Variants in RASGEF1C observed in about 807,000 individuals in gnomAD.
RASGEF1C encodes the protein RasGEF domain family member 1C.
A neutral mutation model predicts 58.1 loss-of-function variants in RASGEF1C; 27 were observed. The ratio of observed to expected loss-of-function variants is 0.46; its 90% CI spans 0.34 to 0.64. RASGEF1C has a LOEUF of 0.64. Ranked by LOEUF, RASGEF1C falls within the 30% of genes least tolerant of loss-of-function variation. The pLI, the probability that RASGEF1C is intolerant of heterozygous loss-of-function variation, is 0.01. For synonymous variants in RASGEF1C, 243 were observed against 246.3 expected, an observed-to-expected ratio of 0.99 and a Z score of 0.13; for missense variants, 502 against 605.1, an observed-to-expected ratio of 0.83 and a Z score of 1.79.
chr5:180,184,656 G>A (rs1581125391), intron 1 of RASGEF1C, among the ~76,000 whole-genome samples: 1 of 152,154 alleles, frequency 6.6e-6, no homozygotes, highest in South Asian at 2.1e-4. Context: ...CCACATAAAT[G>A]CTGTCTACAA....
intron 1 of RASGEF1C, among the ~76,000 whole-genome samples, chr5:180,184,031 G>T (rs1173372280): frequency 1.3e-5 from 2 of 151,702 alleles, no homozygotes; most frequent in Admixed American, 1.3e-4. Flanking sequence ...AATTAGCCGG[G>T]TGTGGTGACG....
In RASGEF1C at chr5:180,134,263, C is replaced by T. The variant is rs147138997; in HGVS notation, c.438+2115G>A. ...AGAGACATGGGGAAGCACTACTGGC[C>T]GGGGCCTAGGTTGGGACTGGGGAAC... On this transcript the variant is annotated intron_variant, in intron 4 of 13. Transcript: ENST00000361132. Among the ~76,000 whole-genome samples, 32 of 152,094 alleles carry T rather than the reference C, an allele frequency of 2.1e-4. 1 individual carries two copies. Among genetic ancestry groups the T allele is most frequent in the African/African-American group, 9.6e-5 (4 of 41,458 alleles).
chr5:180,172,117 C>G (rs1045970639), intron 1 of RASGEF1C, among the ~76,000 whole-genome samples: 2 of 152,238 alleles, frequency 1.3e-5, no homozygotes, highest in Non-Finnish European at 2.9e-5. Flanking sequence ...GTGTTCTGCC[C>G]TGCCCATCTA....
intron 1 of RASGEF1C, among the ~76,000 whole-genome samples, 156 bp downstream of exon 1, chr5:180,208,872 G>C (rs923665803): frequency 4.7e-5 from 7 of 149,818 alleles, no homozygotes; most frequent in Non-Finnish European, 8.9e-5. Context: ...CGGCCGCGCG[G>C]ACCCCGCCCC....
At chr5:180,178,589 CT>C (rs1160818212) in intron 1 of RASGEF1C, among the ~76,000 whole-genome samples, 1 of 151,968 alleles carries the variant, frequency 6.6e-6, no homozygotes, top group Non-Finnish European at 1.5e-5. Context: ...TATCCCAGGG[CT>C]TTTTATTTAC....
chr5:180,181,905 T>G (rs1288853483), intron 1 of RASGEF1C, among the ~76,000 whole-genome samples: 1 of 152,058 alleles, frequency 6.6e-6, no homozygotes, highest in Non-Finnish European at 1.5e-5. Flanking sequence ...CTCGCTGACT[T>G]CAAGAATGAA....
At chr5:180,126,386 GAC>G (rs1162971645) in intron 6 of RASGEF1C, among the ~76,000 whole-genome samples, 2 of 152,052 alleles carry the variant, frequency 1.3e-5, no homozygotes, top group Non-Finnish European at 2.9e-5. Context: ...CAGCCTGGGC[GAC>G]AGAGTGAGAT....
At chr5:180,206,147 C>T (rs1015309768) in intron 1 of RASGEF1C, among the ~76,000 whole-genome samples, 3 of 152,100 alleles carry the variant, frequency 2.0e-5, no homozygotes, top group African/African-American at 4.8e-5. Context: ...AGGCCCAGGG[C>T]TTGGATTTTT....
Position 180,197,428 on chromosome 5 carries a change from T to C in RASGEF1C, c.-7+11600A>G, listed in dbSNP as rs934377234. Among the ~76,000 whole-genome samples, 30 of 152,174 alleles carry C rather than the reference T, an allele frequency of 2.0e-4. No individual in the cohort carries two copies. The highest frequency in any genetic ancestry group is 7.0e-4 in the African/African-American group (29 of 41,430). The stretch of plus-strand genomic sequence containing the variant: ...CTCCTGGCTGAGCCTAGCTCAGGCC[T>C]GAAACCCACGGCTGCTCAGCATGTG... On this transcript the variant is annotated intron_variant, in intron 1 of 13. Transcript: ENST00000361132. This position sits in a 1 kb window ranked among gnomAD's most constrained non-coding sequence, Gnocchi z 4.7.
Position 180,101,300 on chromosome 5 carries a change from C to T in RASGEF1C, c.*201G>A. 3 of 615,006 alleles carry T rather than the reference C, an allele frequency of 4.9e-6. No homozygotes were observed. The highest frequency in any genetic ancestry group is 8.5e-6 in the Non-Finnish European group (3 of 352,984). 38.1% of individuals were successfully genotyped at this position (615,006 alleles called of 1,614,324 possible). On this transcript the variant is annotated 3_prime_UTR_variant, in exon 14 of 14. Transcript: ENST00000361132. ...CCCGCACGTCTGGAGGCCCTGGGTC[C>T]TGCCAGGGCCAAAGTCCCATAAAAG...
chr5:180,132,435 C>T (rs1330732952), intron 4 of RASGEF1C, among the ~76,000 whole-genome samples: 1 of 152,238 alleles, frequency 6.6e-6, no homozygotes. Flanking sequence ...TAGATGAGCA[C>T]TGGCCTTTGT....
intron 12 of RASGEF1C, 74 bp from the exon 13 acceptor site, chr5:180,102,217 C>T (rs1028875724): frequency 1.7e-5 from 15 of 871,240 alleles, no homozygotes; most frequent in African/African-American, 6.6e-5. Flanking sequence ...GCTATATCTG[C>T]GTGGGTCTCT....
At chr5:180,172,693 G>A (rs758751468) in intron 1 of RASGEF1C, among the ~76,000 whole-genome samples, 5 of 151,944 alleles carry the variant, frequency 3.3e-5, no homozygotes, top group Non-Finnish European at 7.4e-5. Context: ...CTTCTCTCAC[G>A]CCCAGCTCCC....
At chr5:180,202,741 C>CG (rs1350878508) in intron 1 of RASGEF1C, among the ~76,000 whole-genome samples, 2 of 149,172 alleles carry the variant, frequency 1.3e-5, no homozygotes, top group African/African-American at 2.5e-5. Context: ...GTCTCGCTGT[C>CG]GCCCAGGCTG....
chr5:180,175,905 G>A (rs987269391), intron 1 of RASGEF1C, among the ~76,000 whole-genome samples: 3 of 152,314 alleles, frequency 2.0e-5, no homozygotes, highest in Admixed American at 6.5e-5. Flanking sequence ...GGAGAATGGC[G>A]TGAACCCGGA....
rs571588574 is a variant in RASGEF1C, at chr5:180,177,322, C to T, written c.-7+31706G>A. On this transcript the variant is annotated intron_variant, in intron 1 of 13. Transcript: ENST00000361132. This position sits in a 1 kb window ranked among gnomAD's most constrained non-coding sequence, Gnocchi z 5.0. ...GAAGGGGCTGGCCTGCCCGGCTCAC[C>T]CAGCAGCTTCCCCAAAGACACAGGC... 3.9e-5 allele frequency among the ~76,000 whole-genome samples: 6 copies of T among 152,370 alleles called. No individual in the cohort carries two copies. The highest frequency in any genetic ancestry group is 1.5e-5 in the Non-Finnish European group (1 of 68,042).
At chr5:180,113,607 ATCGGGGATGGACGGAGGGAT>A in intron 11 of RASGEF1C, among the ~76,000 whole-genome samples, 1 of 84,436 alleles carries the variant, frequency 1.2e-5, no homozygotes. Context: ...GGACGGAGGG[ATCGGGGATGGACGGAGGGAT>A]CCGGGGATGG....
At chr5:180,173,889 G>A (rs1767164169) in intron 1 of RASGEF1C, among the ~76,000 whole-genome samples, 1 of 142,542 alleles carries the variant, frequency 7.0e-6, no homozygotes, top group Admixed American at 7.2e-5. Flanking sequence ...CTCCAGCCTG[G>A]GCAACAGAGC....
At position 180,137,890 on chromosome 5, in the gene RASGEF1C, C is replaced by T. The variant is rs748807530; in HGVS notation, c.163G>A (p.Asp55Asn). Residue 55 changes from aspartate (D) to asparagine (N), a missense_variant, in exon 2 of 14, where the codon GAC (aspartate) becomes AAC (asparagine). By Grantham distance (23) the Asp-to-Asn change is conservative. Transcript: ENST00000361132. This position sits in a 1 kb window ranked among gnomAD's most constrained non-coding sequence, Gnocchi z 4.1. ...TLIQHLVPTADYYPEKAYIFT... is the reference protein window; with the variant it reads ...TLIQHLVPTANYYPEKAYIFT... ...GGATCACCCACCTCGGGGTAGTAGTCGGCTGTGGGCACCAGGTGCTGGATC... is the reference window on the plus strand; with the variant it reads ...GGATCACCCACCTCGGGGTAGTAGTTGGCTGTGGGCACCAGGTGCTGGATC... The T allele has an allele frequency of 3.1e-6, 5 of 1,612,512 alleles. No individual in the cohort carries two copies. The highest frequency in any genetic ancestry group is 1.7e-5 in the Admixed American group (1 of 59,848).
Sources: allele counts gnomAD v4.1 joint callset (sites outside exome capture counted in the v4.1 genomes callset), GRCh38; gene constraint gnomAD v4.1.1; non-coding constraint Gnocchi (gnomAD v3.1); transcripts MANE v1.5; gene names NCBI Gene and HGNC (gene_info 2026-07-23, HGNC 2026-07-21).